CECR2: variants seen among roughly 807,000 people sequenced by gnomAD.
CECR2 encodes the protein CECR2 histone acetyl-lysine reader, also known as chromatin remodeling regulator CECR2.
A neutral mutation model predicts 154.5 loss-of-function variants in CECR2; 30 were observed. The observed-to-expected ratio is 0.19, with a 90% CI of 0.15 to 0.26. The LOEUF (loss-of-function observed/expected upper bound fraction) is 0.26. CECR2 is among the 10% of genes least tolerant of loss of function. CECR2 has a pLI of 1.00. For missense variants in CECR2, 1,743 were observed against 1,829.3 expected (o/e 0.95, Z 0.86); for synonymous variants, 725 against 683.7 (o/e 1.06, Z -0.94).
chr22:17,490,058 C>A (rs977066815), intron 2 of CECR2, among the ~76,000 whole-genome samples: 5 of 151,444 alleles, frequency 3.3e-5, no homozygotes, highest in African/African-American at 9.7e-5. Context: ...TCCTTTATTT[C>A]TTCTGTGACC....
At chr22:17,382,848 G>A (rs940208275) in intron 1 of CECR2, among the ~76,000 whole-genome samples, 1 of 151,984 alleles carries the variant, frequency 6.6e-6, no homozygotes, top group African/African-American at 2.4e-5. Flanking sequence ...GAGGTTGCAA[G>A]TCAAGTTTGC....
intron 1 of CECR2, among the ~76,000 whole-genome samples, chr22:17,375,117 T>TAC (rs1168933438): frequency 2.6e-5 from 4 of 151,756 alleles, no homozygotes; most frequent in Non-Finnish European, 4.4e-5. Context: ...TTTCAGCAAA[T>TAC]ATATATATAT....
chr22:17,413,688 A>ATTATTT (rs1555905202), intron 1 of CECR2, among the ~76,000 whole-genome samples: 3 of 151,466 alleles, frequency 2.0e-5, no homozygotes, highest in African/African-American at 7.3e-5. Context: ...TATTATTATT[A>ATTATTT]TTTTTTGAGA....
intron 1 of CECR2, among the ~76,000 whole-genome samples, chr22:17,441,740 G>A (rs906343209): frequency 1.8e-4 from 27 of 152,174 alleles, no homozygotes; most frequent in African/African-American, 6.5e-4. Context: ...TTTCTGGTTT[G>A]AAGAATTTTA....
At chr22:17,490,137 T>TG (rs2055498823) in intron 2 of CECR2, among the ~76,000 whole-genome samples, 1 of 133,516 alleles carries the variant, frequency 7.5e-6, no homozygotes, top group Non-Finnish European at 1.6e-5. Flanking sequence ...TGTTCCTTAC[T>TG]GTTTTTTTTT....
At chr22:17,466,869 G>A (rs1246126304) in intron 1 of CECR2, among the ~76,000 whole-genome samples, 1 of 152,190 alleles carries the variant, frequency 6.6e-6, no homozygotes, top group Non-Finnish European at 1.5e-5. Flanking sequence ...AGGAATTACA[G>A]GCGTGAGCCA....
chr22:17,557,971 C>T lies in CECR2; in HGVS notation c.*5131C>T, dbSNP rs1315245594. ...TATTTTTATATTGTGTATATTTTGT[C>T]GTGGTCTGCTGATTCCCTGTTTCAC... On this transcript the variant is annotated 3_prime_UTR_variant, in exon 19 of 19. Coordinates refer to ENST00000262608, the MANE Select transcript of CECR2 (RefSeq NM_001290047.2). The T allele has an allele frequency of 6.6e-6, 1 of 152,194 alleles. No homozygotes were observed. The highest frequency in any genetic ancestry group is 1.5e-5 in the Non-Finnish European group (1 of 68,048). The allele number at this position is 152,194 out of a possible 1,614,324, so 9.4% of individuals were successfully genotyped here.
chr22:17,477,914 T>C (rs183605348), intron 2 of CECR2, among the ~76,000 whole-genome samples: 326 of 152,368 alleles, frequency 2.1e-3, no homozygotes, highest in African/African-American at 7.5e-3. Context: ...TCCATATCAC[T>C]TACTCTTGGA....
chr22:17,512,293 G>A (rs1180518250), intron 8 of CECR2, among the ~76,000 whole-genome samples: 1 of 152,090 alleles, frequency 6.6e-6, no homozygotes, highest in Non-Finnish European at 1.5e-5. Context: ...CAAAGAGGGT[G>A]GGAGAGGTGG....
intron 1 of CECR2, among the ~76,000 whole-genome samples, chr22:17,430,020 A>T (rs953565771): frequency 2.6e-5 from 4 of 152,178 alleles, no homozygotes; most frequent in Admixed American, 6.5e-5. Context: ...CCAACAGTGT[A>T]TGAGAGTATT....
chr22:17,538,920 T>TGA, intron 12 of CECR2, 73 bp from the exon 13 acceptor site: 1 of 1,527,780 alleles, frequency 6.5e-7, no homozygotes, highest in Non-Finnish European at 8.9e-7. Flanking sequence ...TCATTATCTC[T>TGA]CTGTCTCTCT....
chr22:17,368,157 C>G (rs1380195552), upstream of CECR2, among the ~76,000 whole-genome samples: 1 of 150,876 alleles, frequency 6.6e-6, no homozygotes, highest in Non-Finnish European at 1.5e-5. Context: ...AAAAATACAA[C>G]AAGTTATTAT....
At chr22:17,384,055 A>G (rs1182024931) in intron 1 of CECR2, among the ~76,000 whole-genome samples, 1 of 152,058 alleles carries the variant, frequency 6.6e-6, no homozygotes, top group Non-Finnish European at 1.5e-5. Flanking sequence ...GAACCCCTCA[A>G]AGTCATCCAC....
rs1161280235 is a variant in CECR2, at chr22:17,435,810, C to G, written c.127-41778C>G. On this transcript the variant is annotated intron_variant, in intron 1 of 18. Transcript: ENST00000262608. ...GTCTCTCTGGCCAAATTAATTAATA[C>G]ATCAGATGTTCTGAAACACACTGTA... Among the ~76,000 whole-genome samples the G allele has an allele frequency of 5.3e-5, 8 of 151,418 alleles. No individual in the cohort carries two copies. In the East Asian group the frequency reaches 1.6e-3, roughly 30 times the overall value.
chr22:17,505,293 C>G (rs1057105560), intron 7 of CECR2, among the ~76,000 whole-genome samples: 4 of 151,838 alleles, frequency 2.6e-5, no homozygotes, highest in African/African-American at 7.3e-5. Flanking sequence ...CTTTCCTTCT[C>G]CCATACACTC....
chr22:17,490,539 A>G (rs1456551832), intron 2 of CECR2, among the ~76,000 whole-genome samples: 1 of 152,006 alleles, frequency 6.6e-6, no homozygotes, highest in Admixed American at 6.6e-5. Context: ...AGTGCAAGCA[A>G]TTCTCCTGCA....
intron 1 of CECR2, among the ~76,000 whole-genome samples, chr22:17,473,290 C>T (rs552546349): frequency 6.6e-6 from 1 of 152,196 alleles, no homozygotes; most frequent in Middle Eastern, 3.4e-3. Context: ...TCTGTGCTCA[C>T]AGCTCAATGC....
intron 8 of CECR2, among the ~76,000 whole-genome samples, chr22:17,512,698 T>C (rs2055979263): frequency 8.6e-6 from 1 of 115,986 alleles, no homozygotes; most frequent in Admixed American, 1.0e-4. Flanking sequence ...AGAGTTTCAC[T>C]CTGTCTCAGA....
At chr22:17,427,896 C>T (rs981209477) in intron 1 of CECR2, among the ~76,000 whole-genome samples, 28 of 152,182 alleles carry the variant, frequency 1.8e-4, no homozygotes, top group African/African-American at 6.8e-4. Context: ...CTTGAGAAAT[C>T]GCCACACTGT....
Sources: gnomAD v4.1 joint callset for allele counts (sites outside exome capture counted in the v4.1 genomes callset) on GRCh38, gnomAD v4.1.1 for gene constraint, MANE v1.5 for transcripts, NCBI Gene and HGNC (gene_info 2026-07-23, HGNC 2026-07-21) for gene names.